The following MGAT4C variants were observed in gnomAD, a reference collection of about 807,000 sequenced individuals.
MGAT4C encodes the protein MGAT4 family member C.
Under a neutral mutation model 40.1 loss-of-function variants are expected in MGAT4C, and 19 were observed. The ratio of observed to expected loss-of-function variants is 0.47; its 90% CI spans 0.33 to 0.70. The LOEUF (loss-of-function observed/expected upper bound fraction) is 0.70, where lower values mean the gene tolerates loss of function less well. MGAT4C is among the 30% of genes least tolerant of loss of function. MGAT4C has a pLI of 0.02. For missense variants in MGAT4C, 491 were observed against 563.2 expected, an observed-to-expected ratio of 0.87 and a Z score of 1.30; for synonymous variants, 181 against 187.1, an observed-to-expected ratio of 0.97 and a Z score of 0.27.
At chr12:85,985,972 A>G (rs73392034) in intron 3 of MGAT4C, among the ~76,000 whole-genome samples, 12,427 of 152,218 alleles carry the variant, frequency 0.082, 1,116 homozygotes, top group African/African-American at 0.23. Context: ...CAGGATATTG[A>G]ATACCTCTTT....
chr12:86,688,630 C>G (rs906916063), intron 2 of MGAT4C, among the ~76,000 whole-genome samples: 1 of 152,140 alleles, frequency 6.6e-6, no homozygotes, highest in African/African-American at 2.4e-5. Context: ...ATATGAAATT[C>G]TGGGTTGAAA....
At chr12:86,768,883 A>C (rs2136165007) in intron 1 of MGAT4C, among the ~76,000 whole-genome samples, 1 of 152,252 alleles carries the variant, frequency 6.6e-6, no homozygotes, top group South Asian at 2.1e-4. Context: ...TGGATTAAAG[A>C]CTTAAACATT....
At chr12:86,808,444 C>G (rs1952405571) in intron 1 of MGAT4C, among the ~76,000 whole-genome samples, 1 of 152,062 alleles carries the variant, frequency 6.6e-6, no homozygotes, top group Admixed American at 6.6e-5. Flanking sequence ...ATCCAGTTGG[C>G]TTCATCCCCA....
intron 1 of MGAT4C, among the ~76,000 whole-genome samples, chr12:86,121,597 T>C (rs1363812433): frequency 2.6e-5 from 4 of 152,192 alleles, no homozygotes; most frequent in Non-Finnish European, 4.4e-5. Flanking sequence ...ATATTCAACA[T>C]TCTTAAAGAA....
intron 2 of MGAT4C, among the ~76,000 whole-genome samples, chr12:86,674,994 T>C (rs1318833351): frequency 6.6e-6 from 1 of 152,198 alleles, no homozygotes; most frequent in East Asian, 1.9e-4. Context: ...TAACCTCATT[T>C]TACCTTCATT....
At chr12:86,648,199 G>T (rs1469306846) in intron 2 of MGAT4C, among the ~76,000 whole-genome samples, 1 of 151,842 alleles carries the variant, frequency 6.6e-6, no homozygotes, top group Admixed American at 6.6e-5. Context: ...AAACATAAAG[G>T]CCATAAGTTA....
chr12:86,725,561 A>G (rs1042095760), intron 2 of MGAT4C, among the ~76,000 whole-genome samples: 10 of 152,046 alleles, frequency 6.6e-5, no homozygotes, highest in Admixed American at 5.2e-4. Context: ...CCTGAGTTCA[A>G]GCAATTCTCC....
intron 2 of MGAT4C, among the ~76,000 whole-genome samples, chr12:86,539,141 A>G (rs1023564305): frequency 6.6e-6 from 1 of 151,886 alleles, no homozygotes; most frequent in Non-Finnish European, 1.5e-5. Context: ...CATCATTTAC[A>G]TTAGGTATAT....
At chr12:86,244,900 A>G (rs956496359) in intron 1 of MGAT4C, among the ~76,000 whole-genome samples, 1 of 152,218 alleles carries the variant, frequency 6.6e-6, no homozygotes, top group East Asian at 1.9e-4. Flanking sequence ...TATAAGGGAC[A>G]GCATTTATCC....
intron 2 of MGAT4C, among the ~76,000 whole-genome samples, chr12:86,577,470 G>C (rs1173638690): frequency 6.6e-6 from 1 of 151,576 alleles, no homozygotes; most frequent in Non-Finnish European, 1.5e-5. Context: ...ATTATGTTAA[G>C]GTACGTTTTC....
intron 2 of MGAT4C, among the ~76,000 whole-genome samples, chr12:86,036,054 T>C (rs1234454298): frequency 6.7e-6 from 1 of 150,110 alleles, no homozygotes; most frequent in African/African-American, 2.4e-5. Flanking sequence ...GTCTTGGATA[T>C]GCAGACTCTT....
chr12:86,527,637 CTT>C (rs1469318910), intron 2 of MGAT4C, among the ~76,000 whole-genome samples: 1 of 152,072 alleles, frequency 6.6e-6, no homozygotes. Flanking sequence ...CATTGAATAT[CTT>C]TCCATTTTTG....
intron 2 of MGAT4C, among the ~76,000 whole-genome samples, chr12:86,539,444 T>C (rs1410366620): frequency 6.6e-6 from 1 of 152,240 alleles, no homozygotes; most frequent in Non-Finnish European, 1.5e-5. Context: ...TTGGGTTGGT[T>C]CCAAGTCTTT....
rs1165442145 is a variant in MGAT4C, at chr12:86,729,936, A to T, written c.-261-2695T>A. On this transcript the variant is annotated intron_variant, in intron 1 of 7. Transcript: ENST00000548651. The stretch of plus-strand genomic sequence containing the variant: ...TTTATACTGTTCAAGACAAATTTGT[A>T]AAAATAAATCACTTCTCATTTTTTT... Among the ~76,000 whole-genome samples, 3 of 152,218 alleles carry T rather than the reference A, an allele frequency of 2.0e-5. No homozygotes were observed. The South Asian group carries it at 6.2e-4, about 32-fold the overall frequency.
At chr12:86,730,896 A>T (rs1950897602) in intron 1 of MGAT4C, among the ~76,000 whole-genome samples, 1 of 152,090 alleles carries the variant, frequency 6.6e-6, no homozygotes, top group Non-Finnish European at 1.5e-5. Context: ...TATTCTTCAG[A>T]TGTGTTCACT....
chr12:86,264,298 T>C (rs1463105211), intron 4 of MGAT4C, among the ~76,000 whole-genome samples: 1 of 152,368 alleles, frequency 6.6e-6, no homozygotes, highest in East Asian at 1.9e-4. Context: ...AGTATTTTTA[T>C]AGCTTCAAGT....
At chr12:86,642,997 C>G (rs922443384) in intron 2 of MGAT4C, among the ~76,000 whole-genome samples, 1 of 151,664 alleles carries the variant, frequency 6.6e-6, no homozygotes, top group Non-Finnish European at 1.5e-5. Context: ...TACCATAGTA[C>G]CTAGCAATTC....
In MGAT4C at chr12:86,280,179, G is replaced by T. The variant is rs571118286; in HGVS notation, c.-57+53886C>A. Among the ~76,000 whole-genome samples the T allele has an allele frequency of 2.0e-5, 3 of 152,096 alleles. No individual in the cohort carries two copies. In the South Asian group the frequency reaches 6.2e-4, roughly 32 times the overall value. ...TCAATTGGTCTATAGTGCAGATTAA[G>T]TTCAATTTTTTTGTTGATTTTCTGC... On this transcript the variant is annotated intron_variant, in intron 4 of 7. Coordinates refer to the MGAT4C transcript ENST00000548651.
intron 1 of MGAT4C, among the ~76,000 whole-genome samples, chr12:86,769,993 C>A (rs1306357879): frequency 6.6e-6 from 1 of 151,494 alleles, no homozygotes; most frequent in Non-Finnish European, 1.5e-5. Flanking sequence ...GCACATGTAC[C>A]CTAAAACTGA....
Sources: allele counts gnomAD v4.1 joint callset (sites outside exome capture counted in the v4.1 genomes callset), GRCh38; gene constraint gnomAD v4.1.1; transcripts MANE v1.5; gene names NCBI Gene and HGNC (gene_info 2026-07-23, HGNC 2026-07-21).